Variants in HNMT observed in about 807,000 individuals in gnomAD.
The protein encoded by HNMT is histamine N-methyltransferase.
A neutral mutation model predicts 32.1 loss-of-function variants in HNMT; 30 were observed. That is an observed-to-expected ratio of 0.93 (90% CI 0.70 to 1.27). HNMT has a LOEUF of 1.27. HNMT is among the 50% of genes most tolerant of loss of function. The pLI is 0.00. For synonymous variants in HNMT, 125 were observed against 119.0 expected (o/e 1.05, Z -0.33); for missense variants, 327 against 346.0 (o/e 0.95, Z 0.43).
chr2:137,967,458 G>T, intron 1 of HNMT: 1 of 230,048 alleles, frequency 4.3e-6, no homozygotes, highest in Non-Finnish European at 8.4e-6. Context: ...TTGGCATGTG[G>T]AATAACTTTT....
intron 2 of HNMT, among the ~76,000 whole-genome samples, chr2:137,993,530 A>G (rs115927146): frequency 6.3e-4 from 96 of 152,306 alleles, no homozygotes; most frequent in African/African-American, 2.2e-3. Context: ...AGACTTCATA[A>G]GAAGACCAAA....
chr2:138,012,888 T>C (rs1341855046), intron 5 of HNMT, among the ~76,000 whole-genome samples: 1 of 152,098 alleles, frequency 6.6e-6, no homozygotes, highest in Non-Finnish European at 1.5e-5. Flanking sequence ...CACTGGTCTG[T>C]GGGACCCACC....
At chr2:138,010,303 C>T (rs924746627) in intron 5 of HNMT, among the ~76,000 whole-genome samples, 2 of 147,594 alleles carry the variant, frequency 1.4e-5, no homozygotes, top group Non-Finnish European at 3.0e-5. Flanking sequence ...CTACAATAAG[C>T]TCTGAATATA....
At chr2:137,991,161 CAG>C (rs1485409177) in intron 2 of HNMT, among the ~76,000 whole-genome samples, 1 of 152,216 alleles carries the variant, frequency 6.6e-6, no homozygotes, top group African/African-American at 2.4e-5. Flanking sequence ...AGAAGGTACA[CAG>C]AGCTTTCATG....
chr2:137,994,703 T>A (rs943039241), intron 2 of HNMT, among the ~76,000 whole-genome samples: 4 of 152,148 alleles, frequency 2.6e-5, no homozygotes, highest in Admixed American at 6.5e-5. Context: ...GTACCCCAAA[T>A]CAACAGAATA....
chr2:138,001,210 A>C (rs1397189192), intron 3 of HNMT, among the ~76,000 whole-genome samples, 185 bp downstream of exon 3: 1 of 152,060 alleles, frequency 6.6e-6, no homozygotes, highest in Non-Finnish European at 1.5e-5. Context: ...TGAATAATAA[A>C]CTCCCTTTTC....
At chr2:137,983,294 A>G (rs866328792) in intron 2 of HNMT, among the ~76,000 whole-genome samples, 4 of 151,912 alleles carry the variant, frequency 2.6e-5, no homozygotes, top group South Asian at 2.1e-4. Context: ...ACAGTCACTA[A>G]CTCTGCTTTT....
chr2:138,013,767 T>C lies in HNMT; in HGVS notation c.524-8T>C, dbSNP rs1366949227. The C allele has an allele frequency of 6.2e-7, 1 of 1,603,596 alleles. No homozygotes were observed. The highest frequency in any genetic ancestry group is 8.5e-7 in the Non-Finnish European group (1 of 1,172,222). On this transcript the variant is annotated splice_region_variant and splice_polypyrimidine_tract_variant and intron_variant, in intron 5 of 5. Coordinates refer to ENST00000280097, the MANE Select transcript of HNMT (RefSeq NM_006895.3). ...AAATGAAAGCATGACTTGTGTTTTA[T>C]TGCACAGGAAGCAGTGGCTGGGACA... is the stretch of plus-strand genomic sequence containing the variant.
At chr2:137,983,949 G>T (rs1369420242) in intron 2 of HNMT, among the ~76,000 whole-genome samples, 1 of 152,172 alleles carries the variant, frequency 6.6e-6, no homozygotes, top group African/African-American at 2.4e-5. Flanking sequence ...AGAGGCAGAT[G>T]TCGAGGTGAC....
chr2:137,972,417 T>C (rs553624931), intron 2 of HNMT, among the ~76,000 whole-genome samples: 1 of 152,268 alleles, frequency 6.6e-6, no homozygotes, highest in East Asian at 1.9e-4. Context: ...AGATCACTAA[T>C]TGTTAATGTC....
intron 4 of HNMT, 90 bp from the exon 5 acceptor site, chr2:138,005,042 A>G (rs1681288551): frequency 1.5e-6 from 1 of 676,596 alleles, no homozygotes; most frequent in Admixed American, 2.5e-5. Flanking sequence ...TCACTCAACT[A>G]GAAAATCAAA....
intron 2 of HNMT, among the ~76,000 whole-genome samples, chr2:137,997,054 C>CA (rs1345396655): frequency 2.0e-5 from 3 of 151,922 alleles, no homozygotes; most frequent in Non-Finnish European, 4.4e-5. Flanking sequence ...ATGTAAAACC[C>CA]AAAACCATAA....
chr2:137,999,472 T>C (rs1431080946), intron 2 of HNMT, among the ~76,000 whole-genome samples: 1 of 152,176 alleles, frequency 6.6e-6, no homozygotes, highest in African/African-American at 2.4e-5. Flanking sequence ...CATATGCACC[T>C]GGACCACTGT....
At chr2:137,999,420 A>G (rs1261329112) in intron 2 of HNMT, among the ~76,000 whole-genome samples, 1 of 151,984 alleles carries the variant, frequency 6.6e-6, no homozygotes, top group Non-Finnish European at 1.5e-5. Flanking sequence ...CCCTCCACAC[A>G]CACCATGTAC....
At chr2:137,967,268 T>A in intron 1 of HNMT, 1 of 608,854 alleles carries the variant, frequency 1.6e-6, no homozygotes, top group Non-Finnish European at 2.9e-6. Flanking sequence ...AAAAGTTAGC[T>A]GAACAAGGCG....
chr2:137,991,220 T>A (rs183179768), intron 2 of HNMT, among the ~76,000 whole-genome samples: 32 of 152,356 alleles, frequency 2.1e-4, no homozygotes, highest in Admixed American at 3.3e-4. Flanking sequence ...ATGTTCACTA[T>A]CTGGAAGCTC....
chr2:137,994,835 T>C (rs1335732673), intron 2 of HNMT, among the ~76,000 whole-genome samples: 1 of 152,190 alleles, frequency 6.6e-6, no homozygotes, highest in Non-Finnish European at 1.5e-5. Flanking sequence ...CACAGTGCAA[T>C]CAAATTAGAA....
intron 2 of HNMT, among the ~76,000 whole-genome samples, chr2:137,974,944 A>G (rs1680243290): frequency 1.3e-5 from 2 of 152,218 alleles, no homozygotes; most frequent in African/African-American, 4.8e-5. Flanking sequence ...GCATTTCTAC[A>G]GAGGTTAAAA....
At position 138,000,277 on chromosome 2, in the gene HNMT, C is replaced by A. The variant is rs190887483; in HGVS notation, c.191-641C>A. ...TCATGAGTGATCTTCCCCCATGAAG[C>A]ATCATCACTCTGGCATCATCTCTCG... is the stretch of plus-strand genomic sequence containing the variant. On this transcript the variant is annotated intron_variant, in intron 2 of 5. Coordinates refer to ENST00000280097, the MANE Select transcript of HNMT (RefSeq NM_006895.3). 7.2e-5 allele frequency among the ~76,000 whole-genome samples: 11 copies of A among 152,248 alleles called. No homozygotes were observed. The East Asian group carries it at 2.1e-3, about 29-fold the overall frequency.
Sources: allele counts gnomAD v4.1 joint callset (sites outside exome capture counted in the v4.1 genomes callset), GRCh38; gene constraint gnomAD v4.1.1; transcripts MANE v1.5; gene names NCBI Gene and HGNC (gene_info 2026-07-23, HGNC 2026-07-21).